The following IMMP2L variants were observed in gnomAD, a reference collection of about 807,000 sequenced individuals.
IMMP2L encodes inner mitochondrial membrane peptidase subunit 2.
In IMMP2L, 18 loss-of-function variants were observed where a neutral mutation model predicts 19.3. That is an observed-to-expected ratio of 0.93 (90% CI 0.64 to 1.38). The LOEUF is 1.38. Ranked by LOEUF, IMMP2L falls within the 40% of genes most tolerant of loss-of-function variation. IMMP2L has a pLI of 0.00. For synonymous variants in IMMP2L, 76 were observed against 73.0 expected, an observed-to-expected ratio of 1.04 and a Z score of -0.21; for missense variants, 233 against 218.2, an observed-to-expected ratio of 1.07 and a Z score of -0.43.
chr7:111,484,797 T>C (rs1016628068), intron 3 of IMMP2L, among the ~76,000 whole-genome samples: 19 of 152,132 alleles, frequency 1.2e-4, no homozygotes, highest in African/African-American at 4.3e-4. Context: ...ACTAAAAAGA[T>C]ACTTTTTATT....
At chr7:111,136,795 T>C (rs538250806) in intron 3 of IMMP2L, among the ~76,000 whole-genome samples, 1 of 152,186 alleles carries the variant, frequency 6.6e-6, no homozygotes, top group Non-Finnish European at 1.5e-5. Context: ...ACTTAGGAAA[T>C]GCTAAGCATG....
intron 3 of IMMP2L, among the ~76,000 whole-genome samples, chr7:110,976,880 T>C (rs2129557408): frequency 6.6e-6 from 1 of 152,100 alleles, no homozygotes; most frequent in African/African-American, 2.4e-5. Context: ...ATACTGATTT[T>C]AAAACATGTA....
chr7:111,487,345 G>GA lies in IMMP2L; in HGVS notation c.136-5dup. 1 of 1,533,404 alleles carries GA rather than the reference G, an allele frequency of 6.5e-7. No homozygotes were observed. Among genetic ancestry groups the GA allele is most frequent in the South Asian group, 1.1e-5 (1 of 89,372 alleles). 95.0% of individuals were successfully genotyped at this position (1,533,404 alleles called of 1,614,324 possible). On this transcript the variant is annotated splice_polypyrimidine_tract_variant and splice_region_variant and intron_variant, in intron 2 of 5. Coordinates refer to ENST00000405709, the MANE Select transcript of IMMP2L (RefSeq NM_032549.4). ...TCCCCCCAGGATTCAAAGAAGGCTA[G>GA]AAAATAAGGAGAAAGAGACACTTCT... is the stretch of plus-strand genomic sequence containing the variant.
chr7:110,910,824 T>C lies in IMMP2L; in HGVS notation c.306-24129A>G, dbSNP rs144313350. ...CTCATTATTTTTAGTTGACAACTCA[T>C]AATTCTAAAACCCTGGTATTTGCGA... On this transcript the variant is annotated intron_variant, in intron 4 of 5. Transcript: ENST00000405709. Among the ~76,000 whole-genome samples, 284 of 152,292 alleles carry C rather than the reference T, an allele frequency of 1.9e-3. 2 individuals carry two copies. The highest frequency in any genetic ancestry group is 6.4e-3 in the African/African-American group (268 of 41,582).
At chr7:111,215,188 A>G (rs1160230754) in intron 3 of IMMP2L, among the ~76,000 whole-genome samples, 2 of 152,188 alleles carry the variant, frequency 1.3e-5, no homozygotes, top group African/African-American at 4.8e-5. Flanking sequence ...CAAAAATAGA[A>G]GTACTCTTTC....
rs552600077 is a variant in IMMP2L at position 110,759,349 on chromosome 7, C to T, written c.409-95628G>A. ...TTACCTTCCTCTGAGTCCTCAGTGACTTGCACAAAGTAGATGTGAGATAAA... is the reference window on the plus strand; with the variant it reads ...TTACCTTCCTCTGAGTCCTCAGTGATTTGCACAAAGTAGATGTGAGATAAA... On this transcript the variant is annotated intron_variant, in intron 5 of 5. Coordinates refer to ENST00000405709, the MANE Select transcript of IMMP2L (RefSeq NM_032549.4). 5.9e-5 allele frequency among the ~76,000 whole-genome samples: 9 copies of T among 152,184 alleles called. No individual in the cohort carries two copies. In the South Asian group the frequency reaches 1.4e-3, roughly 25 times the overall value.
At chr7:111,449,018 G>A (rs1041715907) in intron 3 of IMMP2L, among the ~76,000 whole-genome samples, 25 of 151,348 alleles carry the variant, frequency 1.7e-4, no homozygotes, top group African/African-American at 5.8e-4. Flanking sequence ...GGAAGAAGTT[G>A]AATCTCTGAA....
At chr7:110,771,689 A>G (rs911858864) in intron 5 of IMMP2L, among the ~76,000 whole-genome samples, 1 of 152,236 alleles carries the variant, frequency 6.6e-6, no homozygotes, top group African/African-American at 2.4e-5. Context: ...AGTTACTCAA[A>G]GGACTTATCG....
intron 3 of IMMP2L, among the ~76,000 whole-genome samples, chr7:111,207,534 G>GTTTTTTTTTTTTTTTT (rs376864629): frequency 1.1e-5 from 1 of 90,100 alleles, no homozygotes; most frequent in Non-Finnish European, 2.0e-5. Flanking sequence ...TTTATTTTTG[G>GTTTTTTTTTTTTTTTT]TTTTTTTTTT....
intron 3 of IMMP2L, among the ~76,000 whole-genome samples, chr7:111,111,413 A>G (rs939128987): frequency 1.3e-5 from 2 of 149,022 alleles, no homozygotes; most frequent in Admixed American, 1.3e-4. Context: ...CCCCCCCCAA[A>G]AAAAAATGGC....
intron 3 of IMMP2L, among the ~76,000 whole-genome samples, chr7:111,195,626 C>T (rs1809386786): frequency 1.3e-5 from 2 of 152,042 alleles, no homozygotes; most frequent in South Asian, 4.1e-4. Flanking sequence ...CGGACTGAGT[C>T]TGTCTTCAGG....
chr7:110,719,882 C>T (rs533081010), intron 5 of IMMP2L, among the ~76,000 whole-genome samples: 1 of 152,302 alleles, frequency 6.6e-6, no homozygotes, highest in Non-Finnish European at 1.5e-5. Context: ...CTATTTATAA[C>T]ATTTCTGTAC....
rs71147473 is a variant in IMMP2L at position 111,306,606 on chromosome 7, CTGTGTGTGTGTGTGTGTGTGTGTG to C, written c.239+180608_239+180631del. On this transcript the variant is annotated intron_variant, in intron 3 of 5. Coordinates refer to ENST00000405709, the MANE Select transcript of IMMP2L (RefSeq NM_032549.4). ...AGATCACATTGATTATCACTGGACTCTGTGTGTGTGTGTGTGTGTGTGTGTGTGTGTGTGTGTGTGTGTGTGTGT... is the reference window on the plus strand; with the variant it reads ...AGATCACATTGATTATCACTGGACTCTGTGTGTGTGTGTGTGTGTGTGTGT... 3.7e-5 allele frequency among the ~76,000 whole-genome samples: 5 copies of C among 136,118 alleles called. No homozygotes were observed. The East Asian group carries it at 6.5e-4, about 18-fold the overall frequency. 89.3% of individuals were successfully genotyped at this position (136,118 alleles called of 152,430 possible).
chr7:111,554,586 T>G (rs547925361), intron 1 of IMMP2L, among the ~76,000 whole-genome samples: 497 of 152,132 alleles, frequency 3.3e-3, no homozygotes, highest in Non-Finnish European at 5.8e-3. Flanking sequence ...ATAGCACATA[T>G]TGTCCCTCAA....
chr7:110,964,303 T>C (rs1034590975), intron 3 of IMMP2L, among the ~76,000 whole-genome samples: 6 of 152,064 alleles, frequency 3.9e-5, no homozygotes, highest in African/African-American at 1.2e-4. Flanking sequence ...TTTAAAATGA[T>C]AACATACTTC....
chr7:110,723,031 T>C (rs1795673859), intron 5 of IMMP2L, among the ~76,000 whole-genome samples: 1 of 152,178 alleles, frequency 6.6e-6, no homozygotes, highest in Admixed American at 6.5e-5. Context: ...TCTTCCTTAA[T>C]AGGCAGATTC....
At chr7:110,700,887 T>C (rs1025528809) in intron 5 of IMMP2L, among the ~76,000 whole-genome samples, 2 of 152,210 alleles carry the variant, frequency 1.3e-5, no homozygotes, top group African/African-American at 4.8e-5. Context: ...TAATTTTGTA[T>C]GTGTTCAATT....
intron 5 of IMMP2L, among the ~76,000 whole-genome samples, chr7:110,691,318 T>G (rs539970506): frequency 6.6e-6 from 1 of 151,884 alleles, no homozygotes; most frequent in South Asian, 2.1e-4. Context: ...AAAAATAAAC[T>G]CAAGATGGAC....
intron 3 of IMMP2L, among the ~76,000 whole-genome samples, chr7:111,233,647 G>T (rs1277846177): frequency 6.6e-6 from 1 of 152,048 alleles, no homozygotes; most frequent in Non-Finnish European, 1.5e-5. Context: ...GTACAGATTT[G>T]TAAGTATATA....
Sources: gnomAD v4.1 joint callset for allele counts (sites outside exome capture counted in the v4.1 genomes callset) on GRCh38, gnomAD v4.1.1 for gene constraint, MANE v1.5 for transcripts, NCBI Gene and HGNC (gene_info 2026-07-23, HGNC 2026-07-21) for gene names.